Variants in PLK3 observed in about 807,000 individuals in gnomAD.
PLK3 encodes polo like kinase 3.
PLK3 carries 41 observed loss-of-function variants against 71.6 expected under a neutral mutation model. That is an observed-to-expected ratio of 0.57 (90% CI 0.45 to 0.74). The LOEUF (loss-of-function observed/expected upper bound fraction) is 0.74, where lower values mean the gene tolerates loss of function less well. PLK3 is among the 30% of genes least tolerant of loss of function. PLK3 has a pLI of 0.00. For synonymous variants in PLK3, 366 were observed against 355.4 expected, an observed-to-expected ratio of 1.03 and a Z score of -0.33; for missense variants, 791 against 875.6, an observed-to-expected ratio of 0.90 and a Z score of 1.22.
rs946905197 is a variant in PLK3 at position 44,804,373 on chromosome 1, G to A, written c.1377G>A (p.Glu459=). The A allele has an allele frequency of 7.4e-6, 12 of 1,614,210 alleles. No individual in the cohort carries two copies. Among genetic ancestry groups the A allele is most frequent in the African/African-American group, 1.3e-5 (1 of 75,062 alleles). ...ACCCGGCCCCCCTGGCCCAGCCAGA[G>A]CCTCTGGTGTGGGTCAGCAAGTGGG... ...EQNPAPLAQP[E]PLVWVSKWVD... is the part of the protein sequence containing the mutation. The change falls in exon 12 of 15, where the codon GAG becomes GAA. Residue 459 remains glutamate, a synonymous_variant. Transcript: ENST00000372201.
At position 44,802,868 on chromosome 1, in the gene PLK3, G is replaced by A. The variant is rs756934931; in HGVS notation, c.749+13G>A. ...TGGGCTGTGTCATGTGAGTTGCAGGGTCCAGGTTCAGCAGCAGACAGGTGG... is the reference window on the plus strand; with the variant it reads ...TGGGCTGTGTCATGTGAGTTGCAGGATCCAGGTTCAGCAGCAGACAGGTGG... On this transcript the variant is annotated intron_variant, in intron 6 of 14. Coordinates refer to ENST00000372201, the MANE Select transcript of PLK3 (RefSeq NM_004073.4). 1.2e-6 allele frequency: 2 copies of A among 1,611,804 alleles called. No homozygotes were observed. The highest frequency in any genetic ancestry group is 1.7e-6 in the Non-Finnish European group (2 of 1,177,844).
rs768091554 is a variant in PLK3 at position 44,803,342 on chromosome 1, G to A, written c.1023G>A (p.Arg341=). 2 of 1,614,120 alleles carry A rather than the reference G, an allele frequency of 1.2e-6. No individual in the cohort carries two copies. Among genetic ancestry groups the A allele is most frequent in the East Asian group, 2.2e-5 (1 of 44,876 alleles). The change falls in exon 8 of 15, where the codon AGG becomes AGA. Residue 341 remains arginine (R), a synonymous_variant. Transcript: ENST00000372201. This position sits in a 1 kb window ranked among gnomAD's most constrained non-coding sequence, Gnocchi z 4.3. ...VPDLTPPNPA[R]SLFAKVTKSL... ...ACCTGACACCCCCCAACCCAGCTAG[G>A]AGTCTGTTTGCCAAAGTTACCAAGA...
rs1651800895 is a variant in PLK3 at position 44,800,774 on chromosome 1, G to T, written c.211-66G>T. 6.5e-7 allele frequency: 1 copy of T among 1,549,446 alleles called. No homozygotes were observed. Among genetic ancestry groups the T allele is most frequent in the Admixed American group, 1.9e-5 (1 of 51,554 alleles). ...AGGGCGTGGGCACTTGACCCCCAAC[G>T]CGGGGACGCCCGCGGGCCAGACTCG... On this transcript the variant is annotated intron_variant, in intron 1 of 14. Transcript: ENST00000372201. This position sits in a 1 kb window ranked among gnomAD's most constrained non-coding sequence, Gnocchi z 6.5.
rs200867561 is a variant in PLK3 at position 44,803,370 on chromosome 1, C to T, written c.1051C>T (p.Leu351Phe). 7 of 1,614,084 alleles carry T rather than the reference C, an allele frequency of 4.3e-6. No individual in the cohort carries two copies. The highest frequency in any genetic ancestry group is 1.7e-5 in the Admixed American group (1 of 60,020). The change falls in exon 8 of 15, where the codon CTC (leucine) becomes TTC (phenylalanine). Residue 351 changes from leucine (L) to phenylalanine (F), a missense_variant. Leu to Phe is a conservative substitution (Grantham distance 22). Coordinates refer to ENST00000372201, the MANE Select transcript of PLK3 (RefSeq NM_004073.4). The surrounding 1 kb of genome is among the most constrained non-coding windows in gnomAD (Gnocchi z 4.3). ...TCTGTTTGCCAAAGTTACCAAGAGC[C>T]TCTTTGGCAGAAAGAAGAAGAGTGA... ...RSLFAKVTKS[L>F]FGRKKKSKNH...
chr1:44,804,774 A>G lies in PLK3; in HGVS notation c.1630A>G (p.Met544Val). 2.5e-6 allele frequency: 4 copies of G among 1,613,904 alleles called. No homozygotes were observed. The highest frequency in any genetic ancestry group is 2.5e-6 in the Non-Finnish European group (3 of 1,179,866). Residue 544 changes from methionine (M) to valine (V), a missense_variant, in exon 13 of 15, where the codon ATG (methionine) becomes GTG (valine). Coordinates refer to ENST00000372201, the MANE Select transcript of PLK3 (RefSeq NM_004073.4). ...CGCCTCCTACATGGAGCAGCACCTC[A>G]TGAAGGTGTGAGGGCTGGGGCTGTG... is the stretch of plus-strand genomic sequence containing the variant. Reference protein sequence around the residue: ...YFASYMEQHLMKGGDLPSVEE... With the variant: ...YFASYMEQHLVKGGDLPSVEE...
intron 10 of PLK3, 55 bp downstream of exon 10, chr1:44,804,079 G>A: frequency 6.5e-7 from 1 of 1,545,304 alleles, no homozygotes; most frequent in South Asian, 1.1e-5. Context: ...TGAGATCAGG[G>A]GCGAGAGGGA....
At chr1:44,804,557 C>T (rs964919002) in intron 12 of PLK3, 56 bp downstream of exon 12, 85 of 1,605,736 alleles carry the variant, frequency 5.3e-5, no homozygotes, top group Non-Finnish European at 7.0e-5. Context: ...CAGGGCCGCA[C>T]CCTCGTGAGT....
At chr1:44,802,625 T>C in intron 5 of PLK3, 135 bp from the exon 6 acceptor site, 1 of 676,250 alleles carries the variant, frequency 1.5e-6, no homozygotes, top group South Asian at 1.7e-5. Context: ...TGGCATCCAT[T>C]GTCCCAGGAC....
Position 44,803,768 on chromosome 1 carries a change from G to T in PLK3, c.1164+77G>T, listed in dbSNP as rs1328716899. ...CTGAGGGAAGCCGGGGATAAAAGAG[G>T]CTGCTGAAGCATCCAGCCTCGTGGT... On this transcript the variant is annotated intron_variant, in intron 9 of 14. Coordinates refer to ENST00000372201, the MANE Select transcript of PLK3 (RefSeq NM_004073.4). This position sits in a 1 kb window ranked among gnomAD's most constrained non-coding sequence, Gnocchi z 4.3. The T allele has an allele frequency of 6.4e-6, 8 of 1,253,692 alleles. No individual in the cohort carries two copies. The Admixed American group carries it at 9.8e-5, about 15-fold the overall frequency. 77.7% of individuals were successfully genotyped at this position (1,253,692 alleles called of 1,614,324 possible).
In PLK3 at chr1:44,805,479, G is replaced by A. The variant is rs781443177; in HGVS notation, c.1750-8G>A. ...TAGGTCCTGACCACTGTCATGCTCT[G>A]TGTGCAGGTGAACTTCTACGGGGAC... is the stretch of plus-strand genomic sequence containing the variant. On this transcript the variant is annotated splice_region_variant and splice_polypyrimidine_tract_variant and intron_variant, in intron 14 of 14. Coordinates refer to ENST00000372201, the MANE Select transcript of PLK3 (RefSeq NM_004073.4). 6.2e-7 allele frequency: 1 copy of A among 1,614,044 alleles called. No homozygotes were observed. The highest frequency in any genetic ancestry group is 8.5e-7 in the Non-Finnish European group (1 of 1,179,866).
chr1:44,800,402 C>A lies in PLK3; in HGVS notation c.-62C>A, dbSNP rs924801697. Reference sequence around the variant, plus strand: ...GCAGCGTAGCAAATCCAGGCAGCGCCACGCGCGGCCGGGGCCGGGCGGAAC... The same window carrying A: ...GCAGCGTAGCAAATCCAGGCAGCGCAACGCGCGGCCGGGGCCGGGCGGAAC... On this transcript the variant is annotated 5_prime_UTR_variant, in exon 1 of 15. Transcript: ENST00000372201. The surrounding 1 kb of genome is among the most constrained non-coding windows in gnomAD (Gnocchi z 6.5). 7.2e-6 allele frequency: 9 copies of A among 1,244,488 alleles called. No individual in the cohort carries two copies. The East Asian group carries it at 2.8e-4, about 39-fold the overall frequency. The allele number at this position is 1,244,488 out of a possible 1,614,324, so 77.1% of individuals were successfully genotyped here.
intron 3 of PLK3, 51 bp downstream of exon 3, chr1:44,801,203 CTTTTTTTT>C (rs34463102): frequency 9.6e-5 from 33 of 345,206 alleles, no homozygotes; most frequent in South Asian, 3.0e-4. Flanking sequence ...AGAAGACAGT[CTTTTTTTT>C]TTTTTTTTTT....
In PLK3 at chr1:44,802,819, G is replaced by A; in HGVS notation, c.713G>A (p.Gly238Asp). Residue 238 changes from glycine (G) to aspartate (D), a missense_variant, in exon 6 of 15, where the codon GGC becomes GAC. Physicochemically the swap from Gly to Asp is moderately conservative, Grantham distance 94 (BLOSUM62 -1). Coordinates refer to ENST00000372201, the MANE Select transcript of PLK3 (RefSeq NM_004073.4). ...GAAGTGCTGCTGAGACAGGGCCACG[G>A]CCCTGAGGCGGATGTATGGTCACTG... ...APEVLLRQGH[G>D]PEADVWSLGC... The A allele has an allele frequency of 6.2e-7, 1 of 1,614,004 alleles. No individual in the cohort carries two copies.
In PLK3 at chr1:44,800,774, GCGGGGACGCCCGCGGGCCAGACTCGGCCC is replaced by G; in HGVS notation, c.211-64_211-36del. 1 of 1,549,564 alleles carries G rather than the reference GCGGGGACGCCCGCGGGCCAGACTCGGCCC, an allele frequency of 6.5e-7. No individual in the cohort carries two copies. The highest frequency in any genetic ancestry group is 8.7e-7 in the Non-Finnish European group (1 of 1,147,490). On this transcript the variant is annotated intron_variant, in intron 1 of 14. Transcript: ENST00000372201. This position sits in a 1 kb window ranked among gnomAD's most constrained non-coding sequence, Gnocchi z 6.5. Reference sequence around the variant, plus strand: ...AGGGCGTGGGCACTTGACCCCCAACGCGGGGACGCCCGCGGGCCAGACTCGGCCCCCCTGGAACAACCAGCCTGATGCCC... The same window carrying G: ...AGGGCGTGGGCACTTGACCCCCAACGCCCTGGAACAACCAGCCTGATGCCC...
At position 44,800,728 on chromosome 1, in the gene PLK3, G is replaced by A; in HGVS notation, c.210+55G>A. 3 of 1,534,904 alleles carry A rather than the reference G, an allele frequency of 2.0e-6. No individual in the cohort carries two copies. Among genetic ancestry groups the A allele is most frequent in the South Asian group, 2.4e-5 (2 of 84,006 alleles). ...ATGGTGGAGGTGGGGGTCCCGGCCG[G>A]CCTCTTTTCTGGCGCCGAGCAGGGC... On this transcript the variant is annotated intron_variant, in intron 1 of 14. Coordinates refer to ENST00000372201, the MANE Select transcript of PLK3 (RefSeq NM_004073.4). This position sits in a 1 kb window ranked among gnomAD's most constrained non-coding sequence, Gnocchi z 6.5.
rs372111343 is a variant in PLK3, at chr1:44,805,710, T to C, written c.*32T>C. 262 of 1,594,588 alleles carry C rather than the reference T, an allele frequency of 1.6e-4. No individual in the cohort carries two copies. Among genetic ancestry groups the C allele is most frequent in the Middle Eastern group, 6.6e-4 (4 of 6,046 alleles). On this transcript the variant is annotated 3_prime_UTR_variant, in exon 15 of 15. Transcript: ENST00000372201. ...AGCCCTGAGGCCTGAGGCCTGTGCC[T>C]GTCAGGCTCTGGCCCTTGCCTTTGT...
chr1:44,804,558 C>T, intron 12 of PLK3, 57 bp downstream of exon 12: 1 of 1,604,958 alleles, frequency 6.2e-7, no homozygotes, highest in Non-Finnish European at 8.5e-7. Context: ...AGGGCCGCAC[C>T]CTCGTGAGTG....
chr1:44,804,365 C>T lies in PLK3; in HGVS notation c.1369C>T (p.Gln457Ter), dbSNP rs754134893. 1.2e-6 allele frequency: 2 copies of T among 1,614,164 alleles called. No individual in the cohort carries two copies. Among genetic ancestry groups the T allele is most frequent in the Non-Finnish European group, 1.7e-6 (2 of 1,180,020 alleles). ...GGAACAGAACCCGGCCCCCCTGGCC[C>T]AGCCAGAGCCTCTGGTGTGGGTCAG... ...PAEQNPAPLAQPEPLVWVSKW... is the reference protein window; with the variant it reads ...PAEQNPAPLA Residue 457 changes from glutamine to a stop codon, truncating the protein, a stop_gained, in exon 12 of 15, where the codon CAG becomes TAG. Transcript: ENST00000372201. LOFTEE classifies it high-confidence loss of function.
Position 44,805,385 on chromosome 1 carries a change from A to G in PLK3, c.1749+6A>G. 6.2e-7 allele frequency: 1 copy of G among 1,611,746 alleles called. No homozygotes were observed. The highest frequency in any genetic ancestry group is 1.1e-5 in the South Asian group (1 of 91,018). On this transcript the variant is annotated splice_donor_region_variant and intron_variant, in intron 14 of 14. Transcript: ENST00000372201. ...TTAGTGATGGCACTGTCCAGGTAAGAGCCTATCCAGGAGTTGCGGGAAGGT... is the reference window on the plus strand; with the variant it reads ...TTAGTGATGGCACTGTCCAGGTAAGGGCCTATCCAGGAGTTGCGGGAAGGT...
Sources: allele counts gnomAD v4.1 joint callset, GRCh38; gene constraint gnomAD v4.1.1; non-coding constraint Gnocchi (gnomAD v3.1); transcripts MANE v1.5; gene names NCBI Gene and HGNC (gene_info 2026-07-23, HGNC 2026-07-21).